The following ZNF385D variants were observed in gnomAD, a reference collection of about 807,000 sequenced individuals.
ZNF385D encodes the protein zinc finger protein 385D.
In ZNF385D, 15 loss-of-function variants were observed where a neutral mutation model predicts 35.8. The ratio of observed to expected loss-of-function variants is 0.42; its 90% CI spans 0.28 to 0.64. The LOEUF (loss-of-function observed/expected upper bound fraction) is 0.64, where lower values mean the gene tolerates loss of function less well. ZNF385D is among the 30% of genes least tolerant of loss of function. ZNF385D has a pLI of 0.23. For synonymous variants in ZNF385D, 212 were observed against 186.8 expected (o/e 1.13, Z -1.10); for missense variants, 474 against 494.6 (o/e 0.96, Z 0.39).
intron 4 of ZNF385D, among the ~76,000 whole-genome samples, chr3:21,461,519 G>A (rs1469925954): frequency 6.6e-6 from 1 of 152,186 alleles, no homozygotes; most frequent in Admixed American, 6.6e-5. Context: ...CTGCACTCCA[G>A]CCTGGGCAAT....
At chr3:21,770,738 G>C (rs1328717797) in intron 3 of ZNF385D, among the ~76,000 whole-genome samples, 1 of 151,964 alleles carries the variant, frequency 6.6e-6, no homozygotes, top group African/African-American at 2.4e-5. Flanking sequence ...CCCATTACTG[G>C]GTATATTCCC....
chr3:21,587,283 A>G (rs959637454), intron 2 of ZNF385D, among the ~76,000 whole-genome samples: 1 of 152,226 alleles, frequency 6.6e-6, no homozygotes, highest in Non-Finnish European at 1.5e-5. Flanking sequence ...AAGAAAGTCA[A>G]TCTGGAGTTA....
At chr3:22,257,133 A>T (rs1700358408) in intron 2 of ZNF385D, among the ~76,000 whole-genome samples, 4 of 151,842 alleles carry the variant, frequency 2.6e-5, no homozygotes, top group African/African-American at 9.7e-5. Context: ...TTTGTACAGT[A>T]ATTTTTCAAT....
intron 2 of ZNF385D, among the ~76,000 whole-genome samples, chr3:22,360,024 A>G (rs1696343312): frequency 6.6e-6 from 1 of 151,844 alleles, no homozygotes; most frequent in Admixed American, 6.6e-5. Context: ...CAAATAAGAA[A>G]CAGCTTTGGC....
intron 2 of ZNF385D, among the ~76,000 whole-genome samples, chr3:22,189,325 G>C (rs919517833): frequency 6.6e-6 from 1 of 152,110 alleles, no homozygotes; most frequent in African/African-American, 2.4e-5. Flanking sequence ...GGGCAACTGA[G>C]AAAATGTCAC....
chr3:21,635,995 T>C lies in ZNF385D; in HGVS notation c.165+28891A>G, dbSNP rs186935725. ...TTGGGCTGGTTCCATATTTTTGCAA[T>C]TGCAAATTGTGCTGCTGTAAACATG... On this transcript the variant is annotated intron_variant, in intron 2 of 7. Transcript: ENST00000281523. 8.5e-4 allele frequency among the ~76,000 whole-genome samples: 130 copies of C among 152,258 alleles called. No individual in the cohort carries two copies. The Middle Eastern group carries it at 0.014, about 16-fold the overall frequency.
At chr3:22,269,950 C>G (rs996662289) in intron 2 of ZNF385D, among the ~76,000 whole-genome samples, 1 of 151,824 alleles carries the variant, frequency 6.6e-6, no homozygotes, top group Non-Finnish European at 1.5e-5. Context: ...TTCTCCAGTG[C>G]TCTTTAGTAG....
intron 3 of ZNF385D, among the ~76,000 whole-genome samples, chr3:22,021,617 T>C (rs959007417): frequency 5.9e-5 from 9 of 152,082 alleles, no homozygotes; most frequent in Non-Finnish European, 1.2e-4. Context: ...TTTAGCTCCA[T>C]GCCAAGTCTA....
At chr3:21,745,523 G>A (rs902288475) in intron 1 of ZNF385D, among the ~76,000 whole-genome samples, 3 of 152,158 alleles carry the variant, frequency 2.0e-5, no homozygotes, top group African/African-American at 7.2e-5. Context: ...TAGCAATTTG[G>A]TTCAAGCATG....
intron 3 of ZNF385D, among the ~76,000 whole-genome samples, chr3:22,128,846 G>T (rs971853685): frequency 2.0e-5 from 3 of 152,120 alleles, no homozygotes; most frequent in Non-Finnish European, 4.4e-5. Context: ...CAGCTATTTT[G>T]AATGCTGAAA....
intron 2 of ZNF385D, among the ~76,000 whole-genome samples, chr3:21,638,614 C>A (rs1470242746): frequency 2.0e-5 from 3 of 152,070 alleles, no homozygotes; most frequent in Non-Finnish European, 4.4e-5. Flanking sequence ...AATCTCATAT[C>A]TTCTGCCAGC....
chr3:21,909,448 C>T (rs1699853748), intron 3 of ZNF385D, among the ~76,000 whole-genome samples: 1 of 152,078 alleles, frequency 6.6e-6, no homozygotes, highest in Non-Finnish European at 1.5e-5. Context: ...CCTGTTCTCT[C>T]AGCTTATGTG....
chr3:21,619,670 G>A (rs1408925527), intron 2 of ZNF385D, among the ~76,000 whole-genome samples: 3 of 152,242 alleles, frequency 2.0e-5, no homozygotes, highest in Non-Finnish European at 2.9e-5. Context: ...ATGGTGGTAA[G>A]AGTTGTAAAA....
intron 3 of ZNF385D, among the ~76,000 whole-genome samples, chr3:22,033,724 ATAAAT>A (rs528080428): frequency 6.1e-4 from 93 of 152,270 alleles, no homozygotes; most frequent in Admixed American, 2.3e-3. Context: ...GTGATTGAGA[ATAAAT>A]TAAAGACATA....
chr3:22,240,325 A>G (rs1228697407), intron 2 of ZNF385D, among the ~76,000 whole-genome samples: 1 of 151,102 alleles, frequency 6.6e-6, no homozygotes, highest in African/African-American at 2.4e-5. Context: ...AGACACGGAA[A>G]GAACACACAT....
chr3:21,878,806 C>T (rs1356367235), intron 3 of ZNF385D, among the ~76,000 whole-genome samples: 1 of 152,038 alleles, frequency 6.6e-6, no homozygotes, highest in East Asian at 1.9e-4. Context: ...CATTTTGTTA[C>T]TAAGATTAGC....
At chr3:21,733,262 A>G (rs1559563303) in intron 1 of ZNF385D, among the ~76,000 whole-genome samples, 1 of 152,164 alleles carries the variant, frequency 6.6e-6, no homozygotes, top group Non-Finnish European at 1.5e-5. Flanking sequence ...TCTTTCACCA[A>G]TACCACAATA....
At chr3:22,170,226 G>A (rs1002555505) in intron 2 of ZNF385D, among the ~76,000 whole-genome samples, 22 of 152,240 alleles carry the variant, frequency 1.4e-4, no homozygotes, top group African/African-American at 3.9e-4. Flanking sequence ...ATGTGACAGC[G>A]TCCTCCTAGG....
At chr3:21,502,601 T>A (rs975509001) in intron 4 of ZNF385D, among the ~76,000 whole-genome samples, 4 of 152,200 alleles carry the variant, frequency 2.6e-5, no homozygotes, top group Non-Finnish European at 5.9e-5. Context: ...AATATTTTGT[T>A]ACTTTTATGT....
Sources: allele counts gnomAD v4.1 joint callset (sites outside exome capture counted in the v4.1 genomes callset), GRCh38; gene constraint gnomAD v4.1.1; transcripts MANE v1.5; gene names NCBI Gene and HGNC (gene_info 2026-07-23, HGNC 2026-07-21).